Variants in SLC28A1 observed in about 807,000 individuals in gnomAD.
SLC28A1 encodes the protein solute carrier family 28 member 1, also known as sodium/nucleoside cotransporter 1.
A neutral mutation model predicts 74.8 loss-of-function variants in SLC28A1; 64 were observed. The ratio of observed to expected loss-of-function variants is 0.86; its 90% CI spans 0.70 to 1.05. The LOEUF is 1.05. Ranked by LOEUF, SLC28A1 falls within the 50% of genes least tolerant of loss-of-function variation. SLC28A1 has a pLI of 0.00. For missense variants in SLC28A1, 828 were observed against 822.8 expected (o/e 1.01, Z -0.08); for synonymous variants, 359 against 335.0 (o/e 1.07, Z -0.78).
chr15:84,906,777 A>G (rs377374500), intron 8 of SLC28A1, among the ~76,000 whole-genome samples: 2 of 151,994 alleles, frequency 1.3e-5, no homozygotes, highest in African/African-American at 4.8e-5. Context: ...TTGGTAAAAT[A>G]TACATAACAT....
downstream of SLC28A1, among the ~76,000 whole-genome samples, chr15:84,949,562 C>G (rs930808058): frequency 8.6e-6 from 1 of 116,508 alleles, no homozygotes; most frequent in Non-Finnish European, 1.7e-5. Flanking sequence ...CCATGCCCGG[C>G]TAATTTTTTT....
chr15:84,936,323 T>A (rs976449017), intron 15 of SLC28A1, among the ~76,000 whole-genome samples: 2 of 151,958 alleles, frequency 1.3e-5, no homozygotes, highest in Non-Finnish European at 2.9e-5. Context: ...AGTGGCACAT[T>A]CTTAGCTCAC....
At chr15:84,964,117 T>A in the SLC28A1 span, among the ~76,000 whole-genome samples, 12,884 of 152,254 alleles carry the variant, frequency 0.085, 670 homozygotes, top group African/African-American at 0.15. Flanking sequence ...TTGGCCCCTG[T>A]CATACCTTGT....
chr15:84,950,889 G>T, the SLC28A1 span, among the ~76,000 whole-genome samples: 1 of 152,174 alleles, frequency 6.6e-6, no homozygotes, highest in East Asian at 1.9e-4. Flanking sequence ...CCATATTGCC[G>T]TGTTACGACT....
At chr15:84,970,070 GGT>G in the SLC28A1 span, among the ~76,000 whole-genome samples, 1 of 152,158 alleles carries the variant, frequency 6.6e-6, no homozygotes, top group Admixed American at 6.5e-5. Flanking sequence ...ATGGTTCTAG[GGT>G]TGGTGAATTT....
At chr15:84,936,040 C>T (rs1971883271) in intron 15 of SLC28A1, among the ~76,000 whole-genome samples, 2 of 148,760 alleles carry the variant, frequency 1.3e-5, no homozygotes, top group African/African-American at 5.0e-5. Context: ...CTGCAAGCTC[C>T]GCCTCCCGGG....
chr15:84,895,846 A>T, intron 6 of SLC28A1: 1 of 1,078,194 alleles, frequency 9.3e-7, no homozygotes, highest in Non-Finnish European at 1.1e-6. Context: ...GAAGCTGGTG[A>T]CCAAAGATAC....
rs893457579 is a variant in SLC28A1 at position 84,945,184 on chromosome 15, C to T, written c.1934C>T (p.Thr645Met). 1.1e-5 allele frequency: 18 copies of T among 1,613,864 alleles called. No homozygotes were observed. The highest frequency in any genetic ancestry group is 6.7e-5 in the Admixed American group (4 of 60,000). Reference protein sequence around the residue: ...LDNCCRFYNHTICAQ With the variant: ...LDNCCRFYNHMICAQ ...AACTGCTGTCGGTTTTACAACCACACGATCTGTGCACAGTGAGGACAGAAC... is the reference window on the plus strand; with the variant it reads ...AACTGCTGTCGGTTTTACAACCACATGATCTGTGCACAGTGAGGACAGAAC... The change falls in exon 19 of 19, where the codon ACG becomes ATG. Residue 645 changes from threonine (T) to methionine (M), a missense_variant. By Grantham distance (81) the Thr-to-Met change is moderately conservative. This residue lies in a region of SLC28A1 where 53 missense variants were observed against 44.5 expected (regional missense o/e 1.19). Transcript: ENST00000394573.
intron 9 of SLC28A1, among the ~76,000 whole-genome samples, chr15:84,909,358 CCTTT>C (rs879271738): frequency 1.3e-5 from 2 of 152,220 alleles, no homozygotes; most frequent in African/African-American, 4.8e-5. Context: ...ATCCATCCTT[CCTTT>C]CTTTCTTCCA....
At position 84,901,091 on chromosome 15, in the gene SLC28A1, G is replaced by A. The variant is rs200867667; in HGVS notation, c.462-3006G>A. On this transcript the variant is annotated intron_variant, in intron 6 of 18. Coordinates refer to ENST00000394573, the MANE Select transcript of SLC28A1 (RefSeq NM_004213.5). ...ACAAAAATTAGCTGGGCGTAGTGGC[G>A]CACACCTGTAGTCCCAGCTACTCAG... Among the ~76,000 whole-genome samples, 46 of 152,220 alleles carry A rather than the reference G, an allele frequency of 3.0e-4. No individual in the cohort carries two copies. The East Asian group carries it at 3.1e-3, about 10-fold the overall frequency.
intron 12 of SLC28A1, among the ~76,000 whole-genome samples, chr15:84,924,679 TC>T (rs1223075160): frequency 2.0e-5 from 3 of 152,210 alleles, no homozygotes. Context: ...AGAGGGAAAT[TC>T]TCAAATGCAT....
chr15:84,884,929 C>A (rs550457188), intron 1 of SLC28A1, among the ~76,000 whole-genome samples, 178 bp downstream of exon 1: 1 of 152,158 alleles, frequency 6.6e-6, no homozygotes, highest in Non-Finnish European at 1.5e-5. Flanking sequence ...CCCATGGAGA[C>A]AGTAGTGCTG....
At chr15:84,967,021 T>G in the SLC28A1 span, among the ~76,000 whole-genome samples, 4,909 of 152,230 alleles carry the variant, frequency 0.032, 264 homozygotes, top group African/African-American at 0.11. Flanking sequence ...TTTCAAGTGA[T>G]CCTCCTGCCT....
chr15:84,960,495 C>T, the SLC28A1 span, among the ~76,000 whole-genome samples: 447 of 152,048 alleles, frequency 2.9e-3, 3 homozygotes, highest in African/African-American at 9.8e-3. Flanking sequence ...TGTACTCAAG[C>T]GATCCACCTG....
rs34180316 is a variant in SLC28A1, at chr15:84,916,240, C to CT, written c.796-2267dup. ...TCGGCCTCCCAAAGTGCTGGGATTA[C>CT]TTTTTTTTTTTTTTTTTCAAACATG... is the stretch of plus-strand genomic sequence containing the variant. On this transcript the variant is annotated intron_variant, in intron 9 of 18. Coordinates refer to ENST00000394573, the MANE Select transcript of SLC28A1 (RefSeq NM_004213.5). 1.9e-3 allele frequency among the ~76,000 whole-genome samples: 189 copies of CT among 98,396 alleles called. 8 individuals are homozygous for CT. Among genetic ancestry groups the CT allele is most frequent in the Admixed American group, 5.2e-3 (53 of 10,202 alleles). The allele number at this position is 98,396 out of a possible 152,430, so 64.6% of individuals were successfully genotyped here.
chr15:84,895,758 G>A, intron 6 of SLC28A1: 1 of 1,235,546 alleles, frequency 8.1e-7, no homozygotes, highest in Non-Finnish European at 1.0e-6. Context: ...ATTCGCTGGG[G>A]GAAAAAAACA....
chr15:84,923,950 C>T, intron 11 of SLC28A1, 35 bp from the exon 12 acceptor site: 1 of 1,613,876 alleles, frequency 6.2e-7, no homozygotes, highest in Non-Finnish European at 8.5e-7. Flanking sequence ...CCAATCACCC[C>T]CACCCTGCTT....
In SLC28A1 at chr15:84,923,988, G is replaced by C. The variant is rs150926643; in HGVS notation, c.961G>C (p.Glu321Gln). The C allele has an allele frequency of 6.2e-7, 1 of 1,614,026 alleles. No individual in the cohort carries two copies. The highest frequency in any genetic ancestry group is 1.7e-5 in the Admixed American group (1 of 60,002). Residue 321 changes from glutamate (E) to glutamine (Q), a missense_variant, in exon 12 of 19, where the codon GAG (glutamate) becomes CAG (glutamine). By Grantham distance (29) the Glu-to-Gln change is conservative. Around this residue, in one of 3 missense-constraint regions of SLC28A1, gnomAD observed 767 missense variants for 753.5 expected, o/e 1.02. Coordinates refer to ENST00000394573, the MANE Select transcript of SLC28A1 (RefSeq NM_004213.5). ...CTGACATCTTTCCTGTTTGCAGACCGAGGCTCCATTACTGATCCGGCCCTA... is the reference window on the plus strand; with the variant it reads ...CTGACATCTTTCCTGTTTGCAGACCCAGGCTCCATTACTGATCCGGCCCTA... ...VAGNIFVSQT[E>Q]APLLIRPYLA...
At chr15:84,954,283 T>A in the SLC28A1 span, among the ~76,000 whole-genome samples, 2 of 152,094 alleles carry the variant, frequency 1.3e-5, no homozygotes, top group East Asian at 3.8e-4. Flanking sequence ...GCAGCTCCTA[T>A]TTGAACAGAA....
Sources: gnomAD v4.1 joint callset for allele counts (sites outside exome capture counted in the v4.1 genomes callset) on GRCh38, gnomAD v4.1.1 for gene constraint, gnomAD v4.1.1 regional missense constraint, MANE v1.5 for transcripts, NCBI Gene and HGNC (gene_info 2026-07-23, HGNC 2026-07-21) for gene names.